The following SMYD3 variants were observed in gnomAD, a reference collection of about 807,000 sequenced individuals.
SMYD3 encodes the protein histone-lysine N-methyltransferase SMYD3.
A neutral mutation model predicts 57.7 loss-of-function variants in SMYD3; 36 were observed. That is an observed-to-expected ratio of 0.62 (90% confidence interval 0.48 to 0.82). The LOEUF (loss-of-function observed/expected upper bound fraction) is 0.82, where lower values mean the gene tolerates loss of function less well. SMYD3 is among the 40% of genes least tolerant of loss of function. The pLI, the probability that SMYD3 is intolerant of heterozygous loss-of-function variation, is 0.00. For synonymous variants in SMYD3, 211 were observed against 195.0 expected, an observed-to-expected ratio of 1.08 and a Z score of -0.68; for missense variants, 515 against 538.8, an observed-to-expected ratio of 0.96 and a Z score of 0.44.
chr1:245,856,534 A>T (rs1558426511), intron 10 of SMYD3, among the ~76,000 whole-genome samples: 1 of 152,252 alleles, frequency 6.6e-6, no homozygotes, highest in African/African-American at 2.4e-5. Flanking sequence ...ACTTGGCCTC[A>T]CTTACAAGAA....
intron 1 of SMYD3, among the ~76,000 whole-genome samples, chr1:246,494,908 T>C (rs1301814719): frequency 6.6e-6 from 1 of 152,194 alleles, no homozygotes; most frequent in Non-Finnish European, 1.5e-5. Context: ...ATAGATATTA[T>C]AAGCAGTTGG....
At chr1:246,319,348 G>A (rs559446766) in intron 5 of SMYD3, among the ~76,000 whole-genome samples, 18 of 152,164 alleles carry the variant, frequency 1.2e-4, no homozygotes, top group Admixed American at 3.3e-4. Flanking sequence ...AAGCACCCCG[G>A]TGACTGGAGG....
Position 246,485,612 on chromosome 1 carries a change from C to CT in SMYD3, c.164+21441_164+21442insA, listed in dbSNP as rs374835054. On this transcript the variant is annotated intron_variant, in intron 1 of 11. Coordinates refer to ENST00000490107, the MANE Select transcript of SMYD3 (RefSeq NM_001167740.2). The stretch of plus-strand genomic sequence containing the variant: ...GCCTGGGCAATACAGTGAGACCCCC[C>CT]CCCACATCTCTACAAAAAAAATTTT... 7.7e-4 allele frequency among the ~76,000 whole-genome samples: 117 copies of CT among 151,728 alleles called. 1 individual carries two copies. The highest frequency in any genetic ancestry group is 2.7e-3 in the African/African-American group (110 of 41,358).
At chr1:245,997,995 C>A (rs910887166) in intron 5 of SMYD3, among the ~76,000 whole-genome samples, 1 of 152,160 alleles carries the variant, frequency 6.6e-6, no homozygotes, top group African/African-American at 2.4e-5. Flanking sequence ...AGAGGCTGGA[C>A]AATAACACAG....
At chr1:245,990,096 C>T (rs1397717672) in intron 5 of SMYD3, among the ~76,000 whole-genome samples, 2 of 151,996 alleles carry the variant, frequency 1.3e-5, no homozygotes, top group African/African-American at 2.4e-5. Context: ...GAGACAGGGC[C>T]TCAGTCTGTG....
chr1:245,990,290 T>C lies in SMYD3; in HGVS notation c.532-60353A>G, dbSNP rs535031521. 2.7e-3 allele frequency among the ~76,000 whole-genome samples: 412 copies of C among 152,290 alleles called. 3 individuals carry two copies. The highest frequency in any genetic ancestry group is 9.3e-3 in the African/African-American group (387 of 41,548). ...TTTTTGTAAAGACAGGGTCTCACTA[T>C]GTTGCCCAGGTTAGTCTCAAACTCC... is the stretch of plus-strand genomic sequence containing the variant. On this transcript the variant is annotated intron_variant, in intron 5 of 11. Coordinates refer to ENST00000490107, the MANE Select transcript of SMYD3 (RefSeq NM_001167740.2).
intron 5 of SMYD3, among the ~76,000 whole-genome samples, chr1:246,300,596 A>T (rs1249733797): frequency 6.6e-6 from 1 of 152,104 alleles, no homozygotes; most frequent in African/African-American, 2.4e-5. Context: ...GGTACTAAAA[A>T]CATGAACTCT....
At chr1:246,146,296 T>C (rs2061841396) in intron 5 of SMYD3, among the ~76,000 whole-genome samples, 1 of 152,208 alleles carries the variant, frequency 6.6e-6, no homozygotes, top group Non-Finnish European at 1.5e-5. Context: ...CTAAAATTTC[T>C]AGGGATTTCC....
intron 5 of SMYD3, among the ~76,000 whole-genome samples, chr1:246,113,183 A>AT (rs1472616910): frequency 2.3e-3 from 317 of 136,108 alleles, no homozygotes; most frequent in Non-Finnish European, 3.7e-3. Context: ...CTCTGTCTCA[A>AT]AAAATAAATA....
At chr1:245,972,616 C>T (rs1337708646) in intron 5 of SMYD3, among the ~76,000 whole-genome samples, 1 of 152,234 alleles carries the variant, frequency 6.6e-6, no homozygotes, top group Admixed American at 6.5e-5. Flanking sequence ...AGTTCCTCCC[C>T]CAACCCCTGG....
intron 1 of SMYD3, among the ~76,000 whole-genome samples, chr1:246,490,137 C>T (rs1489553290): frequency 6.6e-6 from 1 of 151,132 alleles, no homozygotes; most frequent in Non-Finnish European, 1.5e-5. Flanking sequence ...CTGTGCCTGA[C>T]TTAAGTCATT....
chr1:246,378,551 T>G (rs1227538839), intron 1 of SMYD3, among the ~76,000 whole-genome samples: 1 of 147,294 alleles, frequency 6.8e-6, no homozygotes. Flanking sequence ...GTTTTGAAAC[T>G]CGGACTGGCT....
intron 5 of SMYD3, among the ~76,000 whole-genome samples, chr1:246,121,173 A>G (rs1057025503): frequency 1.3e-5 from 2 of 152,204 alleles, no homozygotes; most frequent in African/African-American, 4.8e-5. Flanking sequence ...TAAAGACAAA[A>G]CAAAAGTAAT....
intron 5 of SMYD3, among the ~76,000 whole-genome samples, chr1:246,050,303 T>A (rs1056372644): frequency 2.0e-5 from 3 of 152,196 alleles, no homozygotes; most frequent in African/African-American, 7.2e-5. Flanking sequence ...TGTTACCCAA[T>A]TATGAATTCA....
At chr1:246,152,253 T>C (rs1276285985) in intron 5 of SMYD3, among the ~76,000 whole-genome samples, 1 of 152,144 alleles carries the variant, frequency 6.6e-6, no homozygotes, top group African/African-American at 2.4e-5. Context: ...AGAGCAGGGA[T>C]GACGATGTAG....
At chr1:246,432,590 T>C (rs2103010595) in intron 1 of SMYD3, among the ~76,000 whole-genome samples, 1 of 152,328 alleles carries the variant, frequency 6.6e-6, no homozygotes, top group Middle Eastern at 3.4e-3. Flanking sequence ...CAGTTCACGA[T>C]GTGAGGTTGA....
At chr1:246,376,169 G>T (rs1025386811) in intron 1 of SMYD3, among the ~76,000 whole-genome samples, 1 of 151,978 alleles carries the variant, frequency 6.6e-6, no homozygotes, top group African/African-American at 2.4e-5. Flanking sequence ...AAATATGATG[G>T]TATAAATATT....
intron 10 of SMYD3, among the ~76,000 whole-genome samples, chr1:245,765,058 A>G (rs1019823993): frequency 6.9e-6 from 1 of 145,006 alleles, no homozygotes. Flanking sequence ...ACACACACAC[A>G]CACACACACA....
intron 5 of SMYD3, among the ~76,000 whole-genome samples, chr1:246,051,936 C>T (rs1185961028): frequency 6.6e-6 from 1 of 152,148 alleles, no homozygotes; most frequent in African/African-American, 2.4e-5. Flanking sequence ...TTTAATCAGG[C>T]ACTGCTGGCA....
Sources: gnomAD v4.1 joint callset for allele counts (sites outside exome capture counted in the v4.1 genomes callset) on GRCh38, gnomAD v4.1.1 for gene constraint, MANE v1.5 for transcripts, NCBI Gene and HGNC (gene_info 2026-07-23, HGNC 2026-07-21) for gene names.